Variants in GPC5 observed in about 807,000 individuals in gnomAD.
The protein encoded by GPC5 is glypican 5, also known as glypican-5.
Under a neutral mutation model 53.9 loss-of-function variants are expected in GPC5, and 47 were observed. That is an observed-to-expected ratio of 0.87 (90% CI 0.69 to 1.11). The LOEUF (loss-of-function observed/expected upper bound fraction) is 1.11, where lower values mean the gene tolerates loss of function less well. Ranked by LOEUF, GPC5 falls within the 50% of genes most tolerant of loss-of-function variation. The pLI is 0.00. For missense variants in GPC5, 748 were observed against 713.1 expected (o/e 1.05, Z -0.56); for synonymous variants, 286 against 263.3 (o/e 1.09, Z -0.84).
intron 6 of GPC5, among the ~76,000 whole-genome samples, chr13:92,097,900 G>C (rs1270576606): frequency 6.6e-6 from 1 of 152,210 alleles, no homozygotes; most frequent in East Asian, 1.9e-4. Context: ...CAAACCCACA[G>C]AGGATTATTC....
chr13:91,434,666 C>T lies in GPC5; in HGVS notation c.164-14095C>T, dbSNP rs531878152. Reference sequence around the variant, plus strand: ...CTCCAGCTTTTTTCTTTTGGCGATGCGGGCTCTTTTTTGGTTGCATATGAA... The same window carrying T: ...CTCCAGCTTTTTTCTTTTGGCGATGTGGGCTCTTTTTTGGTTGCATATGAA... On this transcript the variant is annotated intron_variant, in intron 1 of 7. Transcript: ENST00000377067. Among the ~76,000 whole-genome samples, 194 of 151,194 alleles carry T rather than the reference C, an allele frequency of 1.3e-3. 1 individual carries two copies. The highest frequency in any genetic ancestry group is 4.3e-3 in the African/African-American group (179 of 41,420).
chr13:91,873,924 C>A (rs1188285081), intron 5 of GPC5, among the ~76,000 whole-genome samples: 1 of 152,108 alleles, frequency 6.6e-6, no homozygotes, highest in African/African-American at 2.4e-5. Context: ...TCAAACTATC[C>A]TCCTGCCTCA....
At chr13:91,499,810 T>C (rs567428888) in intron 2 of GPC5, among the ~76,000 whole-genome samples, 10 of 152,338 alleles carry the variant, frequency 6.6e-5, no homozygotes, top group African/African-American at 2.4e-4. Context: ...CACCTCAATC[T>C]AAAACAGATA....
chr13:92,267,620 T>A (rs1306444213), intron 7 of GPC5, among the ~76,000 whole-genome samples: 1 of 152,126 alleles, frequency 6.6e-6, no homozygotes, highest in African/African-American at 2.4e-5. Context: ...TCATGCTTTT[T>A]AAAATTAAGT....
At chr13:91,917,298 C>T (rs2039669008) in intron 6 of GPC5, among the ~76,000 whole-genome samples, 1 of 152,236 alleles carries the variant, frequency 6.6e-6, no homozygotes, top group Non-Finnish European at 1.5e-5. Context: ...TCCTTTGGCA[C>T]TATGTCTCAC....
At chr13:91,594,839 C>A (rs1044692714) in intron 2 of GPC5, among the ~76,000 whole-genome samples, 11 of 151,752 alleles carry the variant, frequency 7.2e-5, no homozygotes, top group African/African-American at 2.4e-5. Context: ...CACCATCTAG[C>A]TAATTTTATT....
intron 7 of GPC5, among the ~76,000 whole-genome samples, chr13:92,860,101 T>C (rs1879130590): frequency 6.6e-6 from 1 of 152,214 alleles, no homozygotes; most frequent in African/African-American, 2.4e-5. Context: ...ATCTTTGGTT[T>C]ACAGTCAGAA....
chr13:91,406,958 A>G (rs1877371550), intron 1 of GPC5, among the ~76,000 whole-genome samples: 1 of 152,172 alleles, frequency 6.6e-6, no homozygotes, highest in Admixed American at 6.5e-5. Flanking sequence ...AAGTAGCAAT[A>G]CTGATTTTAA....
At chr13:92,758,542 A>T (rs1875011236) in intron 7 of GPC5, among the ~76,000 whole-genome samples, 1 of 152,174 alleles carries the variant, frequency 6.6e-6, no homozygotes, top group African/African-American at 2.4e-5. Flanking sequence ...TACTATTATC[A>T]TGGGCCGAAA....
chr13:91,905,366 G>A (rs1440095930), intron 5 of GPC5, among the ~76,000 whole-genome samples: 2 of 151,424 alleles, frequency 1.3e-5, no homozygotes, highest in Non-Finnish European at 2.9e-5. Context: ...AGAATAATTG[G>A]TTTCCTTGTA....
chr13:91,719,972 C>G (rs1449519295), intron 3 of GPC5, among the ~76,000 whole-genome samples: 2 of 152,158 alleles, frequency 1.3e-5, no homozygotes, highest in Non-Finnish European at 2.9e-5. Flanking sequence ...TATGTTTAAA[C>G]TGCATGTCTC....
chr13:92,057,440 TG>T (rs2041084562), intron 6 of GPC5, among the ~76,000 whole-genome samples: 1 of 152,224 alleles, frequency 6.6e-6, no homozygotes. Flanking sequence ...AAATGGTTGT[TG>T]TTTAAAACCC....
intron 6 of GPC5, among the ~76,000 whole-genome samples, chr13:92,006,846 T>C (rs1462023648): frequency 1.3e-5 from 2 of 152,188 alleles, no homozygotes; most frequent in African/African-American, 4.8e-5. Flanking sequence ...TGGAGAATGA[T>C]CGAGTTGGCT....
Position 92,315,498 on chromosome 13 carries a change from G to T in GPC5, c.1561+170509G>T, listed in dbSNP as rs138270883. Among the ~76,000 whole-genome samples, 837 of 152,306 alleles carry T rather than the reference G, an allele frequency of 5.5e-3. 8 individuals are homozygous for T. The highest frequency in any genetic ancestry group is 0.019 in the African/African-American group (795 of 41,572). ...TGAAAAGCCCCAATCATTTCTGCCT[G>T]TTGACCTCCTGAACTCTATGCTTTC... On this transcript the variant is annotated intron_variant, in intron 7 of 7. Coordinates refer to ENST00000377067, the MANE Select transcript of GPC5 (RefSeq NM_004466.6).
chr13:92,209,579 T>TA (rs2042360249), intron 7 of GPC5, among the ~76,000 whole-genome samples: 1 of 152,172 alleles, frequency 6.6e-6, no homozygotes, highest in Admixed American at 6.5e-5. Flanking sequence ...AGCTTGCCCC[T>TA]GAATCTGTGA....
At chr13:92,021,911 T>C (rs1193622909) in intron 6 of GPC5, among the ~76,000 whole-genome samples, 2 of 152,214 alleles carry the variant, frequency 1.3e-5, no homozygotes, top group Admixed American at 6.5e-5. Flanking sequence ...TGTCCAGAAT[T>C]CACTTTTAAG....
chr13:91,680,615 A>T (rs1218012264), intron 2 of GPC5, among the ~76,000 whole-genome samples: 3 of 152,234 alleles, frequency 2.0e-5, no homozygotes, highest in Admixed American at 6.5e-5. Flanking sequence ...TCTGTATTGC[A>T]CTTAAACTTG....
intron 7 of GPC5, among the ~76,000 whole-genome samples, chr13:92,714,776 G>A (rs1195372100): frequency 6.6e-6 from 1 of 152,058 alleles, no homozygotes; most frequent in East Asian, 1.9e-4. Flanking sequence ...ATAATAAAAA[G>A]AATTGCTTAG....
At chr13:91,576,273 A>G (rs2032130748) in intron 2 of GPC5, among the ~76,000 whole-genome samples, 1 of 151,932 alleles carries the variant, frequency 6.6e-6, no homozygotes, top group East Asian at 1.9e-4. Flanking sequence ...CACAAAAAAA[A>G]TGATTAATAC....
Sources: gnomAD v4.1 joint callset for allele counts (sites outside exome capture counted in the v4.1 genomes callset) on GRCh38, gnomAD v4.1.1 for gene constraint, MANE v1.5 for transcripts, NCBI Gene and HGNC (gene_info 2026-07-23, HGNC 2026-07-21) for gene names.